Variants in HMCN1 observed in about 807,000 individuals in gnomAD.
HMCN1 encodes hemicentin-1.
HMCN1 carries 321 observed loss-of-function variants against 625.9 expected under a neutral mutation model. The ratio of observed to expected loss-of-function variants is 0.51; its 90% CI spans 0.47 to 0.56. HMCN1 has a LOEUF of 0.56. HMCN1 is among the 20% of genes least tolerant of loss of function. The pLI is 0.00. For synonymous variants in HMCN1, 2,425 were observed against 2,417.6 expected (o/e 1.00, Z -0.09); for missense variants, 6,588 against 6,887.3 (o/e 0.96, Z 1.54).
chr1:185,797,110 C>G (rs1448956499), intron 1 of HMCN1, among the ~76,000 whole-genome samples: 2 of 152,128 alleles, frequency 1.3e-5, no homozygotes, highest in African/African-American at 4.8e-5. Flanking sequence ...TGTTAAGCAT[C>G]TTTTCATGTT....
chr1:186,017,083 G>T lies in HMCN1; in HGVS notation c.5300+12G>T. 1 of 1,424,680 alleles carries T rather than the reference G, an allele frequency of 7.0e-7. No homozygotes were observed. The highest frequency in any genetic ancestry group is 1.8e-4 in the Middle Eastern group (1 of 5,700). 88.3% of individuals were successfully genotyped at this position (1,424,680 alleles called of 1,614,324 possible). A position where few individuals can be genotyped will look rare whatever the true frequency, so the allele number is the denominator to read the frequency against. ...CCACCAACTATCATGTAAGGGTTTT[G>T]GTATGTCTTCTAAATACCTCCTGCT... On this transcript the variant is annotated intron_variant, in intron 33 of 106. Coordinates refer to ENST00000271588, the MANE Select transcript of HMCN1 (RefSeq NM_031935.3).
In HMCN1 at chr1:185,970,391, T is replaced by C. The variant is rs1159764701; in HGVS notation, c.2269T>C (p.Leu757=). 2.5e-6 allele frequency: 4 copies of C among 1,613,802 alleles called. No individual in the cohort carries two copies. Among genetic ancestry groups the C allele is most frequent in the Non-Finnish European group, 3.4e-6 (4 of 1,179,678 alleles). Residue 757 remains leucine (L), a synonymous_variant, in exon 15 of 107, where the codon TTG becomes CTG. Coordinates refer to ENST00000271588, the MANE Select transcript of HMCN1 (RefSeq NM_031935.3). ...FLIIDPLLGL[L]KIQETQDLDA... ...CATTATTGACCCTCTCTTGGGACTT[T>C]TGAAGATTCAAGAAACACAAGATCT...
rs1016470573 is a variant in HMCN1 at position 185,865,908 on chromosome 1, C to T, written c.621+45C>T. 1.9e-6 allele frequency: 3 copies of T among 1,601,922 alleles called. No individual in the cohort carries two copies. The Admixed American group carries it at 5.0e-5, about 27-fold the overall frequency. ...TCTACTTTATTACCAGCTGCCTTAT[C>T]AAAATCAGTTAGGCCAGCCTAATTA... On this transcript the variant is annotated intron_variant, in intron 4 of 106. Transcript: ENST00000271588.
rs1365524947 is a variant in HMCN1 at position 186,190,603 on chromosome 1, A to G, written c.*725A>G. ...ATGGCATGGAACTTTAAAAATTTTA[A>G]TATAAACTTTCATCCAGTTAGCTTC... is the stretch of plus-strand genomic sequence containing the variant. On this transcript the variant is annotated 3_prime_UTR_variant, in exon 107 of 107. Transcript: ENST00000271588. 1 of 196,340 alleles carries G rather than the reference A, an allele frequency of 5.1e-6. No homozygotes were observed. The highest frequency in any genetic ancestry group is 8.0e-5 in the East Asian group (1 of 12,550). 12.2% of individuals were successfully genotyped at this position (196,340 alleles called of 1,614,324 possible).
intron 63 of HMCN1, among the ~76,000 whole-genome samples, chr1:186,090,458 A>G (rs1449404171): frequency 6.6e-6 from 1 of 151,972 alleles, no homozygotes; most frequent in Non-Finnish European, 1.5e-5. Context: ...TAACTGTACT[A>G]TCCATTGAGG....
intron 93 of HMCN1, among the ~76,000 whole-genome samples, chr1:186,149,050 T>G (rs969677340): frequency 2.0e-5 from 3 of 152,174 alleles, no homozygotes; most frequent in Admixed American, 6.5e-5. Flanking sequence ...GTTTCATTTA[T>G]AGCACAGAGG....
intron 89 of HMCN1, among the ~76,000 whole-genome samples, chr1:186,141,912 C>T (rs979800831): frequency 5.9e-5 from 9 of 152,134 alleles, no homozygotes; most frequent in African/African-American, 2.2e-4. Context: ...TCTACCCTGC[C>T]ATAACTAAAA....
In HMCN1 at chr1:185,866,628, G is replaced by A. The variant is rs960539615; in HGVS notation, c.621+765G>A. On this transcript the variant is annotated intron_variant, in intron 4 of 106. Coordinates refer to ENST00000271588, the MANE Select transcript of HMCN1 (RefSeq NM_031935.3). Reference sequence around the variant, plus strand: ...TCACCATGTTAGCCGGGATGATCTCGATCTCCTGACCTCGTGATCCGCCCG... The same window carrying A: ...TCACCATGTTAGCCGGGATGATCTCAATCTCCTGACCTCGTGATCCGCCCG... Among the ~76,000 whole-genome samples the A allele has an allele frequency of 4.6e-5, 7 of 151,506 alleles. No individual in the cohort carries two copies. In the South Asian group the frequency reaches 6.2e-4, roughly 14 times the overall value.
intron 4 of HMCN1, among the ~76,000 whole-genome samples, chr1:185,868,017 T>C (rs1211842332): frequency 1.3e-5 from 2 of 151,722 alleles, no homozygotes; most frequent in South Asian, 4.1e-4. Context: ...TGCAGTGAGC[T>C]GAGACCACAC....
intron 67 of HMCN1, 49 bp downstream of exon 67, chr1:186,094,422 G>A: frequency 7.4e-7 from 1 of 1,353,266 alleles, no homozygotes; most frequent in Non-Finnish European, 1.1e-6. Flanking sequence ...CAAGTATTAA[G>A]CAACAGACTT....
chr1:186,042,107 T>G (rs183653355), intron 40 of HMCN1, among the ~76,000 whole-genome samples: 1 of 152,284 alleles, frequency 6.6e-6, no homozygotes, highest in East Asian at 1.9e-4. Context: ...AGTAAAAGTT[T>G]TAGTTGGCAT....
In HMCN1 at chr1:186,077,293, T is replaced by C. The variant is rs557956094; in HGVS notation, c.8485+671T>C. ...CTCTGTCTAATATGTGATCCTAAAT[T>C]AGATCTGGGTTTGGGGAAAATGGCT... is the stretch of plus-strand genomic sequence containing the variant. On this transcript the variant is annotated intron_variant, in intron 54 of 106. Coordinates refer to ENST00000271588, the MANE Select transcript of HMCN1 (RefSeq NM_031935.3). 2.4e-3 allele frequency among the ~76,000 whole-genome samples: 363 copies of C among 152,220 alleles called. 2 individuals are homozygous for C. The highest frequency in any genetic ancestry group is 4.2e-3 in the Non-Finnish European group (285 of 68,008).
intron 89 of HMCN1, among the ~76,000 whole-genome samples, chr1:186,141,104 C>A (rs971344087): frequency 6.6e-6 from 1 of 152,270 alleles, no homozygotes; most frequent in Admixed American, 6.5e-5. Flanking sequence ...TCATAAGGAG[C>A]ACACAACATA....
Position 186,137,628 on chromosome 1 carries a change from A to G in HMCN1, c.13713A>G (p.Ser4571=), listed in dbSNP as rs199619119. Residue 4571 remains serine, a synonymous_variant, in exon 88 of 107, where the codon TCA becomes TCG. Coordinates refer to ENST00000271588, the MANE Select transcript of HMCN1 (RefSeq NM_031935.3). ...ATGGTGGGAAGCCCTGCCAAGGTTCAGATTTGGAAATGCGAAACTGTCAAA... is the reference window on the plus strand; with the variant it reads ...ATGGTGGGAAGCCCTGCCAAGGTTCGGATTTGGAAATGCGAAACTGTCAAA... The part of the protein sequence containing the change: ...PANGGKPCQG[S]DLEMRNCQNK... The G allele has an allele frequency of 6.2e-7, 1 of 1,614,074 alleles. No individual in the cohort carries two copies. Among genetic ancestry groups the G allele is most frequent in the East Asian group, 2.2e-5 (1 of 44,888 alleles).
In HMCN1 at chr1:186,154,514, A is replaced by ACTCCATCTCCAAGCAAAGAAAAACATAC. The variant is rs1650870333; in HGVS notation, c.15256+528_15256+555dup. Among the ~76,000 whole-genome samples, 3 of 152,142 alleles carry ACTCCATCTCCAAGCAAAGAAAAACATAC rather than the reference A, an allele frequency of 2.0e-5. No individual in the cohort carries two copies. The South Asian group carries it at 6.2e-4, about 32-fold the overall frequency. ...TCCAGCCTGTACAACAAAGAGCAAAACTCCATCTCCAAGCAAAGAAAAACA... is the reference window on the plus strand; with the variant it reads ...TCCAGCCTGTACAACAAAGAGCAAAACTCCATCTCCAAGCAAAGAAAAACATACCTCCATCTCCAAGCAAAGAAAAACA... On this transcript the variant is annotated intron_variant, in intron 97 of 106. Coordinates refer to ENST00000271588, the MANE Select transcript of HMCN1 (RefSeq NM_031935.3).
intron 4 of HMCN1, among the ~76,000 whole-genome samples, chr1:185,876,024 GAAC>G (rs1379742290): frequency 6.6e-6 from 1 of 151,954 alleles, no homozygotes; most frequent in Non-Finnish European, 1.5e-5. Flanking sequence ...CCCGAATAGT[GAAC>G]ATATACCCAG....
chr1:185,878,826 C>T (rs1477963105), intron 4 of HMCN1, among the ~76,000 whole-genome samples: 5 of 152,082 alleles, frequency 3.3e-5, no homozygotes, highest in African/African-American at 9.7e-5. Flanking sequence ...TACTGCTTTC[C>T]TTTTTACTCT....
At chr1:185,953,682 C>A (rs1243991996) in intron 11 of HMCN1, among the ~76,000 whole-genome samples, 2 of 151,814 alleles carry the variant, frequency 1.3e-5, no homozygotes, top group Non-Finnish European at 2.9e-5. Flanking sequence ...GTAGGTGGAT[C>A]TTTCTCACGG....
intron 14 of HMCN1, among the ~76,000 whole-genome samples, chr1:185,967,002 T>A (rs1378676064): frequency 6.6e-6 from 1 of 152,184 alleles, no homozygotes; most frequent in Non-Finnish European, 1.5e-5. Flanking sequence ...TGCTCCTTAA[T>A]CAGGTTTATG....
Sources: allele counts gnomAD v4.1 joint callset (sites outside exome capture counted in the v4.1 genomes callset), GRCh38; gene constraint gnomAD v4.1.1; transcripts MANE v1.5; gene names NCBI Gene and HGNC (gene_info 2026-07-23, HGNC 2026-07-21).